The following BLACAT1 variants were observed in gnomAD, a reference collection of about 807,000 sequenced individuals.
BLACAT1 encodes the protein bladder cancer associated transcript 1.
chr1:205,442,895 G>A (rs1467869103), intron 1 of BLACAT1, among the ~76,000 whole-genome samples: 3 of 152,276 alleles, frequency 2.0e-5, no homozygotes, highest in Non-Finnish European at 4.4e-5. Flanking sequence ...TCTATTCCTG[G>A]CTCTGATGCT....
At chr1:205,444,809 G>GC (rs1666355691) in intron 1 of BLACAT1, among the ~76,000 whole-genome samples, 2 of 151,808 alleles carry the variant, frequency 1.3e-5, no homozygotes, top group Admixed American at 6.6e-5. Context: ...GGGATATTGC[G>GC]CCCCCCACGA....
intron 1 of BLACAT1, among the ~76,000 whole-genome samples, chr1:205,455,203 G>A (rs935037570): frequency 6.6e-6 from 1 of 152,168 alleles, no homozygotes; most frequent in Non-Finnish European, 1.5e-5. Flanking sequence ...AGGCATGCAA[G>A]GGCCCCAGGG....
rs1666293030 is a variant in BLACAT1 at position 205,441,457 on chromosome 1, G to T, written c.-36-395C>A. ...TCCGGCTTGTGCCACCTTACACCAGGTTCTAGCTGGGGGCTTCCACTCGCT... is the reference window on the plus strand; with the variant it reads ...TCCGGCTTGTGCCACCTTACACCAGTTTCTAGCTGGGGGCTTCCACTCGCT... On this transcript the variant is annotated intron_variant, in intron 1 of 1. Coordinates refer to ENST00000629624, the Ensembl canonical transcript of BLACAT1. This position sits in a 1 kb window ranked among gnomAD's most constrained non-coding sequence, Gnocchi z 4.3. 1.3e-5 allele frequency among the ~76,000 whole-genome samples: 2 copies of T among 152,138 alleles called. No individual in the cohort carries two copies. Among genetic ancestry groups the T allele is most frequent in the South Asian group, 4.1e-4 (2 of 4,824 alleles).
At chr1:205,439,522 C>T (rs1666258981), downstream of BLACAT1, among the ~76,000 whole-genome samples, 1 of 152,160 alleles carries the variant, frequency 6.6e-6, no homozygotes, top group Admixed American at 6.5e-5. Flanking sequence ...AGGTTTTGGG[C>T]GAACCAGCCG....
At chr1:205,435,804 G>A (rs1666195402), downstream of BLACAT1, 3 of 152,162 alleles carry the variant, frequency 2.0e-5, no homozygotes, top group Admixed American at 2.0e-4. Context: ...CATAAACCTG[G>A]GTGCCTGAGC....
intron 1 of BLACAT1, among the ~76,000 whole-genome samples, chr1:205,446,317 G>A (rs897894271): frequency 3.9e-5 from 6 of 152,328 alleles, no homozygotes; most frequent in South Asian, 2.1e-4. Flanking sequence ...GGACTGTCTC[G>A]GGTGAGTTGC....
At position 205,450,821 on chromosome 1, in the gene BLACAT1, A is replaced by T. The variant is rs1411204310; in HGVS notation, c.-37+5096T>A. Reference sequence around the variant, plus strand: ...GAGGTGGGGACAGCCATCATGTCTCAGGCTGGAGTGAACCTCACTTGAAAT... The same window carrying T: ...GAGGTGGGGACAGCCATCATGTCTCTGGCTGGAGTGAACCTCACTTGAAAT... On this transcript the variant is annotated intron_variant, in intron 1 of 1. Transcript: ENST00000629624. This position sits in a 1 kb window ranked among gnomAD's most constrained non-coding sequence, Gnocchi z 4.4. Among the ~76,000 whole-genome samples the T allele has an allele frequency of 6.6e-6, 1 of 152,202 alleles. No homozygotes were observed. Among genetic ancestry groups the T allele is most frequent in the Non-Finnish European group, 1.5e-5 (1 of 68,030 alleles).
At chr1:205,444,734 T>C (rs1318450449) in intron 1 of BLACAT1, among the ~76,000 whole-genome samples, 1 of 151,148 alleles carries the variant, frequency 6.6e-6, no homozygotes, top group African/African-American at 2.4e-5. Context: ...GCAGCGGGGG[T>C]GGAAGGCTAG....
chr1:205,455,686 G>A (rs1025130489), intron 1 of BLACAT1, among the ~76,000 whole-genome samples: 1 of 151,934 alleles, frequency 6.6e-6, no homozygotes, highest in Non-Finnish European at 1.5e-5. Flanking sequence ...GGCGGGGAGG[G>A]GGCTTCCTCT....
rs958274098 is a variant in BLACAT1, at chr1:205,450,466, C to T, written c.-37+5451G>A. ...CCTGCCTGGCCCCCCTCCCCTTCTC[C>T]GCAGCCCTGGTTCCTCTCCTCACCC... On this transcript the variant is annotated intron_variant, in intron 1 of 1. Coordinates refer to ENST00000629624, the Ensembl canonical transcript of BLACAT1. The surrounding 1 kb of genome is among the most constrained non-coding windows in gnomAD (Gnocchi z 4.4). Among the ~76,000 whole-genome samples, 1 of 151,110 alleles carries T rather than the reference C, an allele frequency of 6.6e-6. No individual in the cohort carries two copies. Among genetic ancestry groups the T allele is most frequent in the Non-Finnish European group, 1.5e-5 (1 of 67,688 alleles).
At chr1:205,437,947 C>A (rs1666235245), downstream of BLACAT1, 1 of 152,084 alleles carries the variant, frequency 6.6e-6, no homozygotes, top group Non-Finnish European at 1.5e-5. Context: ...AAATAACAAT[C>A]TCCCTATATA....
At chr1:205,435,921 C>G (rs1042657450), downstream of BLACAT1, 1 of 152,258 alleles carries the variant, frequency 6.6e-6, no homozygotes, top group Non-Finnish European at 1.5e-5. Flanking sequence ...ATCACTTTTT[C>G]CCATCCTCAG....
rs1042556861 is a variant in BLACAT1, at chr1:205,441,784, G to A, written c.-36-722C>T. Among the ~76,000 whole-genome samples, 1 of 152,176 alleles carries A rather than the reference G, an allele frequency of 6.6e-6. No homozygotes were observed. The highest frequency in any genetic ancestry group is 1.5e-5 in the Non-Finnish European group (1 of 68,032). On this transcript the variant is annotated intron_variant, in intron 1 of 1. Coordinates refer to ENST00000629624, the Ensembl canonical transcript of BLACAT1. The surrounding 1 kb of genome is among the most constrained non-coding windows in gnomAD (Gnocchi z 4.3). The stretch of plus-strand genomic sequence containing the variant: ...AGGGTTGAGAGGTAGATACAAAAGG[G>A]TAAAGACATGGTTTCTTCCCTGGCA...
chr1:205,438,784 A>T (rs183205760), downstream of BLACAT1, among the ~76,000 whole-genome samples: 94 of 152,130 alleles, frequency 6.2e-4, no homozygotes, highest in African/African-American at 2.0e-3. Context: ...GCCAGGGCTC[A>T]AGATATCTAG....
intron 1 of BLACAT1, among the ~76,000 whole-genome samples, chr1:205,454,864 TAA>T (rs879704935): frequency 1.4e-5 from 2 of 142,974 alleles, no homozygotes; most frequent in African/African-American, 2.5e-5. Context: ...TTAAGGTATG[TAA>T]AAAAAAAAAA....
At chr1:205,454,663 C>T (rs1310274611) in intron 1 of BLACAT1, among the ~76,000 whole-genome samples, 1 of 151,996 alleles carries the variant, frequency 6.6e-6, no homozygotes, top group Non-Finnish European at 1.5e-5. Context: ...CCCAGGCCTC[C>T]GTTGTGTCCT....
At chr1:205,440,986 C>G (rs575364285) in exon 2 of BLACAT1, 1 of 152,556 alleles carries the variant, frequency 6.6e-6, no homozygotes, top group Admixed American at 6.5e-5. Context: ...TTTGCAGAAG[C>G]CGTGGAGACC....
chr1:205,443,621 C>T (rs1666333701), intron 1 of BLACAT1, among the ~76,000 whole-genome samples: 1 of 152,146 alleles, frequency 6.6e-6, no homozygotes, highest in Non-Finnish European at 1.5e-5. Context: ...TAGAAAGTAT[C>T]ATAAACAGGG....
At chr1:205,440,817 T>C (rs1394100340) in exon 2 of BLACAT1, 2 of 152,292 alleles carry the variant, frequency 1.3e-5, no homozygotes, top group African/African-American at 4.8e-5. Context: ...ACTGGCTAAA[T>C]CAAGACTTAA....
Sources: gnomAD v4.1 joint callset for allele counts (sites outside exome capture counted in the v4.1 genomes callset) on GRCh38, gnomAD v4.1.1 for gene constraint, Gnocchi (gnomAD v3.1) non-coding constraint, MANE v1.5 for transcripts, NCBI Gene and HGNC (gene_info 2026-07-23, HGNC 2026-07-21) for gene names.